CYP2C19: variants seen among roughly 807,000 people sequenced by gnomAD.
CYP2C19 encodes the protein cytochrome P450 family 2 subfamily C member 19.
Under a neutral mutation model 40.9 loss-of-function variants are expected in CYP2C19, and 59 were observed. The observed-to-expected ratio is 1.44, with a 90% confidence interval of 1.17 to 1.79. The LOEUF is 1.79. Among genes scored for constraint, CYP2C19 ranks in the 40% most tolerant of loss-of-function variants. The pLI is 0.00. For missense variants in CYP2C19, 754 were observed against 596.9 expected (o/e 1.26, Z -2.74); for synonymous variants, 253 against 208.7 (o/e 1.21, Z -1.83).
intron 8 of CYP2C19, 151 bp downstream of exon 8, chr10:94,850,209 T>C (rs1489465442): frequency 9.0e-6 from 8 of 889,012 alleles, no homozygotes; most frequent in Non-Finnish European, 1.4e-5. Context: ...TCTCCGCTGG[T>C]GATACATCCT....
At chr10:94,764,232 C>T (rs1303878082) in intron 1 of CYP2C19, among the ~76,000 whole-genome samples, 4 of 152,110 alleles carry the variant, frequency 2.6e-5, no homozygotes, top group African/African-American at 9.7e-5. Flanking sequence ...GCTTTTATTC[C>T]CTTATTTGGC....
chr10:94,795,767 T>G (rs1486606179), intron 5 of CYP2C19, among the ~76,000 whole-genome samples: 2 of 152,120 alleles, frequency 1.3e-5, no homozygotes, highest in Non-Finnish European at 2.9e-5. Flanking sequence ...ATGATGAACA[T>G]TTTTTCATGT....
At chr10:94,770,095 C>A (rs1016229417) in intron 1 of CYP2C19, among the ~76,000 whole-genome samples, 2 of 152,102 alleles carry the variant, frequency 1.3e-5, no homozygotes, top group Non-Finnish European at 2.9e-5. Flanking sequence ...ACTGAGAAGG[C>A]CACACCAGTG....
chr10:94,824,006 T>C (rs1757420554), intron 6 of CYP2C19, among the ~76,000 whole-genome samples: 1 of 151,958 alleles, frequency 6.6e-6, no homozygotes, highest in African/African-American at 2.4e-5. Context: ...TTTATGAGAG[T>C]TTCCAATAAC....
chr10:94,824,405 T>C (rs1007296025), intron 6 of CYP2C19, among the ~76,000 whole-genome samples: 7 of 152,148 alleles, frequency 4.6e-5, no homozygotes, highest in Admixed American at 1.3e-4. Flanking sequence ...GTGAATGTAT[T>C]TTCAGAAGAA....
intron 6 of CYP2C19, among the ~76,000 whole-genome samples, chr10:94,830,156 G>C (rs898003882): frequency 6.6e-6 from 1 of 152,236 alleles, no homozygotes; most frequent in African/African-American, 2.4e-5. Flanking sequence ...AGGCAGGCAG[G>C]CCTCCTTGAG....
rs1998322 is a variant in CYP2C19, at chr10:94,854,906, T to C, written c.*1992T>C. Among the ~76,000 whole-genome samples the C allele has an allele frequency of 0.013, 2,001 of 152,306 alleles. 40 individuals are homozygous for C. The highest frequency in any genetic ancestry group is 0.044 in the African/African-American group (1,820 of 41,562). ...AAAGATACAGATGGAAATTACACAT[T>C]ATACATTTTAAACATTCTTCATTGG... On this transcript the variant is annotated 3_prime_UTR_variant, in exon 9 of 9. Coordinates refer to ENST00000371321, the MANE Select transcript of CYP2C19 (RefSeq NM_000769.4).
Position 94,822,070 on chromosome 10 carries a change from C to T in CYP2C19, c.961+1433C>T, listed in dbSNP as rs561797542. Among the ~76,000 whole-genome samples, 18 of 152,182 alleles carry T rather than the reference C, an allele frequency of 1.2e-4. No homozygotes were observed. The South Asian group carries it at 3.7e-3, about 32-fold the overall frequency. On this transcript the variant is annotated intron_variant, in intron 6 of 8. Coordinates refer to ENST00000371321, the MANE Select transcript of CYP2C19 (RefSeq NM_000769.4). ...GGTTTTCTGTTCTTGTATTAGATTG[C>T]TTAGGATAATGGCCTCCTGCTTCAT...
intron 1 of CYP2C19, among the ~76,000 whole-genome samples, chr10:94,770,487 T>C (rs1848313311): frequency 6.6e-6 from 1 of 152,084 alleles, no homozygotes; most frequent in African/African-American, 2.4e-5. Flanking sequence ...CAGTTTTCCT[T>C]TTGGGCCTGT....
At chr10:94,788,106 GTTCCA>G (rs61665511) in intron 5 of CYP2C19, among the ~76,000 whole-genome samples, 38,652 of 151,348 alleles carry the variant, frequency 0.26, 5,232 homozygotes, top group South Asian at 0.45. Context: ...GTATTCCTAG[GTTCCA>G]TTCCACCCCC....
intron 5 of CYP2C19, among the ~76,000 whole-genome samples, chr10:94,798,327 A>G (rs1022870572): frequency 9.9e-5 from 15 of 152,068 alleles, no homozygotes; most frequent in Non-Finnish European, 1.6e-4. Flanking sequence ...ATCCTGAGTT[A>G]TAATTTGATT....
intron 5 of CYP2C19, among the ~76,000 whole-genome samples, chr10:94,795,780 C>T (rs1316947844): frequency 1.3e-5 from 2 of 152,046 alleles, no homozygotes; most frequent in Non-Finnish European, 2.9e-5. Context: ...TTTCATGTGT[C>T]TTTTGGCTGC....
In CYP2C19 at chr10:94,853,160, T is replaced by C. The variant is rs1232525719; in HGVS notation, c.*246T>C. ...CTGATACTTGTCTAATGTTGAGTTA[T>C]TAACATATTATTATTAAATAGAGAA... is the stretch of plus-strand genomic sequence containing the variant. On this transcript the variant is annotated 3_prime_UTR_variant, in exon 9 of 9. Transcript: ENST00000371321. 1 of 496,792 alleles carries C rather than the reference T, an allele frequency of 2.0e-6. No individual in the cohort carries two copies. The highest frequency in any genetic ancestry group is 1.9e-5 in the African/African-American group (1 of 51,638). The allele number at this position is 496,792 out of a possible 1,614,324, so 30.8% of individuals were successfully genotyped here.
chr10:94,829,788 A>G (rs1849297060), intron 6 of CYP2C19, among the ~76,000 whole-genome samples: 1 of 151,074 alleles, frequency 6.6e-6, no homozygotes, highest in African/African-American at 2.4e-5. Flanking sequence ...TTGTGGTTTT[A>G]TCTACTTTTG....
intron 6 of CYP2C19, among the ~76,000 whole-genome samples, chr10:94,837,448 C>A (rs898692370): frequency 2.0e-5 from 3 of 152,166 alleles, no homozygotes; most frequent in Admixed American, 1.3e-4. Context: ...AAGCAGGGGA[C>A]AACCAATGGG....
At chr10:94,781,678 C>T (rs1319049138) in intron 4 of CYP2C19, 143 bp from the exon 5 acceptor site, 3 of 344,142 alleles carry the variant, frequency 8.7e-6, no homozygotes, top group Non-Finnish European at 1.0e-5. Context: ...AATTACTACA[C>T]ATGTACAATA....
At chr10:94,828,065 A>C (rs1350385439) in intron 6 of CYP2C19, among the ~76,000 whole-genome samples, 1 of 151,958 alleles carries the variant, frequency 6.6e-6, no homozygotes, top group Non-Finnish European at 1.5e-5. Flanking sequence ...ACATTTGCTG[A>C]GGAGAGCTTT....
At chr10:94,839,183 A>G (rs1233057403) in intron 6 of CYP2C19, among the ~76,000 whole-genome samples, 1 of 152,148 alleles carries the variant, frequency 6.6e-6, no homozygotes, top group African/African-American at 2.4e-5. Context: ...ACACTCACCG[A>G]TGTAGCAGTC....
At chr10:94,820,451 T>C (rs779318892) in intron 5 of CYP2C19, 45 bp from the exon 6 acceptor site, 3 of 1,606,448 alleles carry the variant, frequency 1.9e-6, no homozygotes, top group East Asian at 2.2e-5. Flanking sequence ...TCATCAAATA[T>C]GCTGTTAAAT....
Sources: gnomAD v4.1 joint callset for allele counts (sites outside exome capture counted in the v4.1 genomes callset) on GRCh38, gnomAD v4.1.1 for gene constraint, MANE v1.5 for transcripts, NCBI Gene and HGNC (gene_info 2026-07-23, HGNC 2026-07-21) for gene names.